SBF2: variants seen among roughly 807,000 people sequenced by gnomAD.
SBF2 encodes myotubularin-related protein 13.
A neutral mutation model predicts 225.2 loss-of-function variants in SBF2; 112 were observed. The ratio of observed to expected loss-of-function variants is 0.50; its 90% CI spans 0.43 to 0.58. The LOEUF (loss-of-function observed/expected upper bound fraction) is 0.58. Among genes scored for constraint, SBF2 ranks in the 20% least tolerant of loss-of-function variants. SBF2 has a pLI of 0.00. For synonymous variants in SBF2, 763 were observed against 773.3 expected, an observed-to-expected ratio of 0.99 and a Z score of 0.22; for missense variants, 1,996 against 2,206.2, an observed-to-expected ratio of 0.90 and a Z score of 1.91.
rs145347727 is a variant in SBF2, at chr11:9,824,413, T to C, written c.3793+4943A>G. Among the ~76,000 whole-genome samples the C allele has an allele frequency of 4.8e-3, 730 of 151,856 alleles. 2 individuals are homozygous for C. The highest frequency in any genetic ancestry group is 0.016 in the African/African-American group (675 of 41,390). ...CTCTACTAAAAATACAAAAATTAGC[T>C]GGGCACGGTGGCACGTGCCTGTAAT... On this transcript the variant is annotated intron_variant, in intron 28 of 39. Coordinates refer to ENST00000256190, the MANE Select transcript of SBF2 (RefSeq NM_030962.4).
At chr11:9,869,327 C>CT (rs1564935284) in intron 17 of SBF2, among the ~76,000 whole-genome samples, 2 of 151,246 alleles carry the variant, frequency 1.3e-5, no homozygotes, top group African/African-American at 2.4e-5. Context: ...ATTTTTTTTT[C>CT]TTTTTTTTGG....
intron 2 of SBF2, chr11:10,149,349 G>C (rs1035800558): frequency 1.3e-5 from 2 of 151,942 alleles, no homozygotes; most frequent in Non-Finnish European, 2.9e-5. Flanking sequence ...TTTTATTTTT[G>C]AGAGTTTAAA....
chr11:9,929,423 C>A (rs10770075), intron 16 of SBF2, among the ~76,000 whole-genome samples: 32,726 of 152,000 alleles, frequency 0.22, 4,039 homozygotes, highest in Non-Finnish European at 0.29. Flanking sequence ...GACCAAGAAG[C>A]AGCTCCAAAG....
intron 2 of SBF2, among the ~76,000 whole-genome samples, chr11:10,061,873 CTG>C (rs1950459099): frequency 6.6e-6 from 1 of 152,142 alleles, no homozygotes; most frequent in African/African-American, 2.4e-5. Context: ...AAAAAAGAGT[CTG>C]TATAGCCAAG....
chr11:10,268,518 A>G lies in SBF2; in HGVS notation c.55+25497T>C, dbSNP rs545649958. ...ATGACATTTATAGAATGGTGTCATC[A>G]GTGGAAAATAGCCCTTTCCAGAAAC... On this transcript the variant is annotated intron_variant, in intron 1 of 39. Transcript: ENST00000256190. 1.1e-4 allele frequency among the ~76,000 whole-genome samples: 16 copies of G among 152,334 alleles called. No homozygotes were observed. The South Asian group carries it at 1.4e-3, about 14-fold the overall frequency.
chr11:9,974,543 C>T (rs1433593425), intron 13 of SBF2, among the ~76,000 whole-genome samples: 1 of 151,158 alleles, frequency 6.6e-6, no homozygotes, highest in Non-Finnish European at 1.5e-5. Flanking sequence ...ATACAGTGAC[C>T]AGCTAACAGT....
intron 23 of SBF2, among the ~76,000 whole-genome samples, chr11:9,846,106 A>G (rs751370253): frequency 6.6e-6 from 1 of 152,202 alleles, no homozygotes; most frequent in Admixed American, 6.5e-5. Flanking sequence ...AAATGTAGGA[A>G]GAAAAGAAAT....
intron 6 of SBF2, among the ~76,000 whole-genome samples, chr11:10,012,190 G>C (rs760635681): frequency 3.3e-5 from 5 of 152,156 alleles, no homozygotes; most frequent in Non-Finnish European, 7.3e-5. Context: ...CTGTTGCTCA[G>C]GCTGTAGTGC....
chr11:9,891,020 C>T (rs1284322361), intron 17 of SBF2, among the ~76,000 whole-genome samples: 5 of 151,960 alleles, frequency 3.3e-5, no homozygotes, highest in East Asian at 1.9e-4. Flanking sequence ...CCTGTAATCC[C>T]GGCTACTCGG....
At chr11:9,971,664 G>T (rs542765334) in intron 13 of SBF2, among the ~76,000 whole-genome samples, 1 of 152,278 alleles carries the variant, frequency 6.6e-6, no homozygotes, top group South Asian at 2.1e-4. Flanking sequence ...GGGTGACAGA[G>T]TGAGACCTTG....
chr11:10,024,388 T>C (rs1430995100), intron 6 of SBF2, among the ~76,000 whole-genome samples: 1 of 152,182 alleles, frequency 6.6e-6, no homozygotes, highest in Non-Finnish European at 1.5e-5. Flanking sequence ...ATATTCCTAT[T>C]AGCCATGAAT....
At chr11:10,150,076 A>C (rs1183772238) in intron 2 of SBF2, among the ~76,000 whole-genome samples, 1 of 152,150 alleles carries the variant, frequency 6.6e-6, no homozygotes, top group African/African-American at 2.4e-5. Flanking sequence ...AAATGGTTAT[A>C]ATAGAATAAC....
chr11:10,259,465 C>T (rs1430489213), intron 1 of SBF2, among the ~76,000 whole-genome samples: 2 of 152,112 alleles, frequency 1.3e-5, no homozygotes, highest in Non-Finnish European at 2.9e-5. Context: ...AAACCTTGTC[C>T]TTAGAACCTA....
At position 10,048,313 on chromosome 11, in the gene SBF2, A is replaced by AAAGAGTCC. The variant is rs375035499; in HGVS notation, c.142-5340_142-5333dup. ...TTTTATTCTAGAATAGCAGCTATCA[A>AAAGAGTCC]AAGAGTCCCCAATGTCAAAATTATT... On this transcript the variant is annotated intron_variant, in intron 2 of 39. Transcript: ENST00000256190. Among the ~76,000 whole-genome samples the AAAGAGTCC allele has an allele frequency of 3.5e-3, 528 of 152,256 alleles. 4 individuals are homozygous for AAAGAGTCC. The highest frequency in any genetic ancestry group is 0.012 in the African/African-American group (501 of 41,562).
rs1962332136 is a variant in SBF2, at chr11:10,269,919, A to G, written c.55+24096T>C. ...TGGGATTACAGGAGTGAGCCACCAC[A>G]TCTAGCTCATCCCACACTTCTAACT... On this transcript the variant is annotated intron_variant, in intron 1 of 39. Coordinates refer to ENST00000256190, the MANE Select transcript of SBF2 (RefSeq NM_030962.4). Among the ~76,000 whole-genome samples, 4 of 152,218 alleles carry G rather than the reference A, an allele frequency of 2.6e-5. No homozygotes were observed. The South Asian group carries it at 8.3e-4, about 32-fold the overall frequency.
chr11:9,996,751 T>C (rs1339443863), intron 9 of SBF2, among the ~76,000 whole-genome samples: 2 of 152,174 alleles, frequency 1.3e-5, no homozygotes, highest in Non-Finnish European at 2.9e-5. Context: ...AGGTTCTATA[T>C]GCTATTTTAA....
intron 16 of SBF2, among the ~76,000 whole-genome samples, chr11:9,912,649 C>A (rs1443665469): frequency 1.3e-5 from 2 of 152,206 alleles, no homozygotes; most frequent in Non-Finnish European, 1.5e-5. Context: ...TGGCCCACCA[C>A]AATTCTTCTT....
intron 6 of SBF2, among the ~76,000 whole-genome samples, chr11:10,004,635 A>C (rs1948116833): frequency 6.7e-6 from 1 of 148,642 alleles, no homozygotes; most frequent in Admixed American, 6.8e-5. Context: ...CAACCTGCCC[A>C]CAAGGAAATT....
At chr11:9,908,910 A>G (rs1176044601) in intron 16 of SBF2, among the ~76,000 whole-genome samples, 2 of 147,304 alleles carry the variant, frequency 1.4e-5, no homozygotes, top group African/African-American at 2.5e-5. Context: ...CTGGTCTTGA[A>G]CTCCTGAGCT....
Sources: allele counts gnomAD v4.1 joint callset (sites outside exome capture counted in the v4.1 genomes callset), GRCh38; gene constraint gnomAD v4.1.1; transcripts MANE v1.5; gene names NCBI Gene and HGNC (gene_info 2026-07-23, HGNC 2026-07-21).